The following IMMP2L variants were observed in gnomAD, a reference collection of about 807,000 sequenced individuals.
IMMP2L encodes the protein mitochondrial inner membrane protease subunit 2.
IMMP2L carries 18 observed loss-of-function variants against 19.3 expected under a neutral mutation model. The ratio of observed to expected loss-of-function variants is 0.93; its 90% CI spans 0.64 to 1.38. IMMP2L has a LOEUF of 1.38. IMMP2L is among the 40% of genes most tolerant of loss of function. IMMP2L has a pLI of 0.00. For synonymous variants in IMMP2L, 76 were observed against 73.0 expected, an observed-to-expected ratio of 1.04 and a Z score of -0.21; for missense variants, 233 against 218.2, an observed-to-expected ratio of 1.07 and a Z score of -0.43.
intron 5 of IMMP2L, among the ~76,000 whole-genome samples, chr7:110,805,005 C>A (rs2131236786): frequency 6.6e-6 from 1 of 152,134 alleles, no homozygotes; most frequent in East Asian, 1.9e-4. Context: ...AATAAAATCA[C>A]CAGTGATGTC....
At chr7:111,172,548 C>T (rs775523059) in intron 3 of IMMP2L, among the ~76,000 whole-genome samples, 4 of 151,472 alleles carry the variant, frequency 2.6e-5, no homozygotes, top group Non-Finnish European at 5.9e-5. Context: ...TACATTGCTG[C>T]TAATTATAGT....
chr7:111,240,835 C>A (rs921020371), intron 3 of IMMP2L, among the ~76,000 whole-genome samples: 4 of 151,902 alleles, frequency 2.6e-5, no homozygotes, highest in Non-Finnish European at 5.9e-5. Flanking sequence ...CCCACTCTAA[C>A]CCCCATACTT....
chr7:111,199,714 C>G (rs1809899892), intron 3 of IMMP2L, among the ~76,000 whole-genome samples: 1 of 152,028 alleles, frequency 6.6e-6, no homozygotes, highest in Non-Finnish European at 1.5e-5. Flanking sequence ...CTATCAAAAG[C>G]AGCAAACTCT....
At chr7:111,238,563 T>C (rs1277051849) in intron 3 of IMMP2L, among the ~76,000 whole-genome samples, 1 of 151,916 alleles carries the variant, frequency 6.6e-6, no homozygotes, top group Non-Finnish European at 1.5e-5. Flanking sequence ...CCAGGGTCAA[T>C]TTAATATAAT....
intron 3 of IMMP2L, among the ~76,000 whole-genome samples, chr7:111,379,651 A>G (rs1234081669): frequency 6.6e-6 from 1 of 151,828 alleles, no homozygotes; most frequent in African/African-American, 2.4e-5. Context: ...ATAATGATAC[A>G]TATCTGAAGG....
chr7:111,494,944 T>C (rs1412045135), intron 2 of IMMP2L, among the ~76,000 whole-genome samples: 2 of 152,162 alleles, frequency 1.3e-5, no homozygotes, highest in Admixed American at 1.3e-4. Context: ...TTCTAAATTC[T>C]TTGTTGATTG....
intron 3 of IMMP2L, among the ~76,000 whole-genome samples, chr7:111,360,115 G>C (rs1829118364): frequency 9.9e-6 from 1 of 100,890 alleles, no homozygotes; most frequent in African/African-American, 9.1e-5. Flanking sequence ...TTACAATTTC[G>C]CCATAATGTG....
intron 1 of IMMP2L, among the ~76,000 whole-genome samples, chr7:111,537,696 T>G (rs533870236): frequency 1.3e-5 from 2 of 151,120 alleles, no homozygotes; most frequent in African/African-American, 4.9e-5. Flanking sequence ...CCACCACACC[T>G]GGCTAATTTT....
chr7:111,507,892 CTG>C (rs1272923636), intron 2 of IMMP2L, among the ~76,000 whole-genome samples: 10 of 152,130 alleles, frequency 6.6e-5, no homozygotes, highest in Non-Finnish European at 1.3e-4. Flanking sequence ...TCAGGATAGC[CTG>C]AGTTTTTACA....
chr7:111,464,482 A>C (rs958481190), intron 3 of IMMP2L, among the ~76,000 whole-genome samples: 2 of 152,170 alleles, frequency 1.3e-5, no homozygotes, highest in African/African-American at 4.8e-5. Flanking sequence ...ACCATGCCTC[A>C]TAAGTAAATA....
intron 3 of IMMP2L, among the ~76,000 whole-genome samples, chr7:111,194,970 A>C (rs1809313673): frequency 6.6e-6 from 1 of 152,112 alleles, no homozygotes; most frequent in African/African-American, 2.4e-5. Flanking sequence ...GATTTTCCAT[A>C]AGCAGAAATG....
intron 5 of IMMP2L, among the ~76,000 whole-genome samples, chr7:110,770,776 G>T (rs996380360): frequency 7.2e-5 from 11 of 152,158 alleles, no homozygotes; most frequent in Non-Finnish European, 8.8e-5. Context: ...TCATTAGGCG[G>T]ATATAGCGCT....
chr7:110,857,968 T>C (rs1265865533), intron 5 of IMMP2L, among the ~76,000 whole-genome samples: 2 of 152,084 alleles, frequency 1.3e-5, no homozygotes, highest in Non-Finnish European at 2.9e-5. Flanking sequence ...AAAACTCTTT[T>C]ATTCATAATA....
At chr7:110,964,625 A>G (rs887674250) in intron 3 of IMMP2L, among the ~76,000 whole-genome samples, 5 of 152,052 alleles carry the variant, frequency 3.3e-5, no homozygotes, top group Non-Finnish European at 7.4e-5. Flanking sequence ...CCTGGTATGT[A>G]TATCCTATGC....
In IMMP2L at chr7:111,420,671, C is replaced by T. The variant is rs1056868256; in HGVS notation, c.239+66567G>A. On this transcript the variant is annotated intron_variant, in intron 3 of 5. Coordinates refer to ENST00000405709, the MANE Select transcript of IMMP2L (RefSeq NM_032549.4). ...AACATGCGGTGTCTGGTTTTCTGTC[C>T]TTGTGATAATTTACTGAGAATGATG... Among the ~76,000 whole-genome samples the T allele has an allele frequency of 2.7e-5, 4 of 149,196 alleles. 1 individual carries two copies. Among genetic ancestry groups the T allele is most frequent in the African/African-American group, 1.0e-4 (4 of 40,070 alleles).
chr7:111,464,183 A>G (rs908594907), intron 3 of IMMP2L, among the ~76,000 whole-genome samples: 1 of 152,150 alleles, frequency 6.6e-6, no homozygotes, highest in Non-Finnish European at 1.5e-5. Flanking sequence ...GTAATAATAT[A>G]CAAGGCCAGG....
chr7:110,688,601 C>A lies in IMMP2L; in HGVS notation c.409-24880G>T, dbSNP rs1172037365. On this transcript the variant is annotated intron_variant, in intron 5 of 5. Transcript: ENST00000405709. Reference sequence around the variant, plus strand: ...CAAAGAAACATAAGTTAAAAAAAAACTAGGACAAGTTTGCAAAAATGTATT... The same window carrying A: ...CAAAGAAACATAAGTTAAAAAAAAAATAGGACAAGTTTGCAAAAATGTATT... Among the ~76,000 whole-genome samples the A allele has an allele frequency of 7.3e-5, 11 of 151,590 alleles. No individual in the cohort carries two copies. In the East Asian group the frequency reaches 2.1e-3, roughly 29 times the overall value.
At chr7:111,461,841 A>G (rs1840161902) in intron 3 of IMMP2L, among the ~76,000 whole-genome samples, 2 of 152,084 alleles carry the variant, frequency 1.3e-5, no homozygotes, top group Non-Finnish European at 2.9e-5. Flanking sequence ...CTGTTTCTGT[A>G]TCACTTGCAA....
chr7:111,289,192 C>T lies in IMMP2L; in HGVS notation c.239+198046G>A, dbSNP rs561192078. ...AACAGAAAACCAAACACCACATGTTCTCACTCATAAGTGGGAGCTGATCAA... is the reference window on the plus strand; with the variant it reads ...AACAGAAAACCAAACACCACATGTTTTCACTCATAAGTGGGAGCTGATCAA... On this transcript the variant is annotated intron_variant, in intron 3 of 5. Coordinates refer to ENST00000405709, the MANE Select transcript of IMMP2L (RefSeq NM_032549.4). 4.6e-5 allele frequency among the ~76,000 whole-genome samples: 7 copies of T among 151,928 alleles called. No individual in the cohort carries two copies. The South Asian group carries it at 1.0e-3, about 23-fold the overall frequency.
Sources: allele counts gnomAD v4.1 joint callset (sites outside exome capture counted in the v4.1 genomes callset), GRCh38; gene constraint gnomAD v4.1.1; transcripts MANE v1.5; gene names NCBI Gene and HGNC (gene_info 2026-07-23, HGNC 2026-07-21).